The following THRB variants were observed in gnomAD, a reference collection of about 807,000 sequenced individuals.
THRB encodes thyroid hormone receptor beta, also known as nuclear receptor subfamily 1 group A member 2.
A neutral mutation model predicts 47.8 loss-of-function variants in THRB; 12 were observed. That is an observed-to-expected ratio of 0.25 (90% CI 0.16 to 0.41). The LOEUF is 0.41. THRB is among the 10% of genes least tolerant of loss of function. THRB has a pLI of 1.00. For synonymous variants in THRB, 218 were observed against 212.2 expected (o/e 1.03, Z -0.24); for missense variants, 348 against 589.2 (o/e 0.59, Z 4.24).
At chr3:24,361,432 T>C (rs772433604) in intron 1 of THRB, among the ~76,000 whole-genome samples, 9 of 152,150 alleles carry the variant, frequency 5.9e-5, no homozygotes, top group Non-Finnish European at 1.0e-4. Context: ...CCTCATTTTG[T>C]TCTATGCAAT....
At position 24,118,483 on chromosome 3, in the gene THRB, C is replaced by G. The variant is rs1391585401; in HGVS notation, c.*4401G>C. 1.3e-5 allele frequency: 2 copies of G among 152,444 alleles called. No homozygotes were observed. Among genetic ancestry groups the G allele is most frequent in the African/African-American group, 4.8e-5 (2 of 41,390 alleles). 9.4% of individuals were successfully genotyped at this position (152,444 alleles called of 1,614,324 possible). On this transcript the variant is annotated 3_prime_UTR_variant, in exon 11 of 11. Transcript: ENST00000646209. ...CAATGACTGTAAATCTTTTTCTATT[C>G]TGTAGTATTTTTCTGATTCTCAGGG... is the stretch of plus-strand genomic sequence containing the variant.
At chr3:24,161,975 C>T (rs1186808533) in intron 5 of THRB, among the ~76,000 whole-genome samples, 1 of 151,990 alleles carries the variant, frequency 6.6e-6, no homozygotes, top group Non-Finnish European at 1.5e-5. Flanking sequence ...CAAAGAATCC[C>T]GTGGAGGAGA....
intron 2 of THRB, among the ~76,000 whole-genome samples, chr3:24,333,120 C>T (rs1010747968): frequency 2.6e-5 from 4 of 151,804 alleles, no homozygotes; most frequent in Admixed American, 6.6e-5. Flanking sequence ...AACAAAGAAA[C>T]AAAAAAACCT....
intron 1 of THRB, among the ~76,000 whole-genome samples, chr3:24,354,701 TCAA>T (rs1304920735): frequency 6.6e-6 from 1 of 152,126 alleles, no homozygotes; most frequent in Non-Finnish European, 1.5e-5. Context: ...GATTACTGTG[TCAA>T]CTCATGAGTA....
intron 1 of THRB, among the ~76,000 whole-genome samples, chr3:24,467,875 A>T (rs978391716): frequency 7.5e-6 from 1 of 133,210 alleles, no homozygotes; most frequent in African/African-American, 2.8e-5. Flanking sequence ...CAAAAGGGCC[A>T]GTCTGTCCTT....
At chr3:24,433,228 G>A (rs545817270) in intron 1 of THRB, among the ~76,000 whole-genome samples, 39 of 152,042 alleles carry the variant, frequency 2.6e-4, no homozygotes, top group Non-Finnish European at 4.4e-4. Flanking sequence ...CTAATCCCTG[G>A]AACCTGTGAA....
intron 3 of THRB, among the ~76,000 whole-genome samples, chr3:24,261,562 C>T (rs1400106133): frequency 6.6e-6 from 1 of 151,572 alleles, no homozygotes; most frequent in Non-Finnish European, 1.5e-5. Context: ...TCAGCTTCCA[C>T]TCCATTTCCC....
intron 1 of THRB, among the ~76,000 whole-genome samples, chr3:24,408,407 C>T (rs770107535): frequency 6.6e-6 from 1 of 151,742 alleles, no homozygotes; most frequent in Non-Finnish European, 1.5e-5. Context: ...AATATTGTAC[C>T]ATTCTGCTGT....
In THRB at chr3:24,254,668, C is replaced by G. The variant is rs532937439; in HGVS notation, c.-42-25667G>C. On this transcript the variant is annotated intron_variant, in intron 3 of 10. Coordinates refer to ENST00000646209, the MANE Select transcript of THRB (RefSeq NM_001354712.2). ...CTGTTGATTGCTATCAGGGTTTTTC[C>G]TCTTCTTCTTCTGCTTCTAAAGGGC... Among the ~76,000 whole-genome samples the G allele has an allele frequency of 6.6e-4, 101 of 152,204 alleles. 1 individual carries two copies. Among genetic ancestry groups the G allele is most frequent in the Middle Eastern group, 3.4e-3 (1 of 294 alleles).
At chr3:24,276,433 C>T (rs1343133372) in intron 3 of THRB, among the ~76,000 whole-genome samples, 2 of 152,200 alleles carry the variant, frequency 1.3e-5, no homozygotes, top group Non-Finnish European at 2.9e-5. Context: ...TTCCAGGGTT[C>T]AAACCCAGGT....
chr3:24,370,475 G>C (rs1389394624), intron 1 of THRB, among the ~76,000 whole-genome samples: 1 of 152,086 alleles, frequency 6.6e-6, no homozygotes, highest in African/African-American at 2.4e-5. Context: ...TGTGTATGAG[G>C]TGTGCACATG....
At chr3:24,205,973 T>A (rs1407348819) in intron 4 of THRB, among the ~76,000 whole-genome samples, 1 of 152,146 alleles carries the variant, frequency 6.6e-6, no homozygotes, top group South Asian at 2.1e-4. Flanking sequence ...TATATGCACC[T>A]AATACAGGAG....
At chr3:24,477,540 C>T (rs1396060803) in intron 1 of THRB, among the ~76,000 whole-genome samples, 1 of 152,030 alleles carries the variant, frequency 6.6e-6, no homozygotes, top group Non-Finnish European at 1.5e-5. Context: ...GATGTGTATA[C>T]TGCTGGTCTG....
At chr3:24,310,375 G>T (rs1218017417) in intron 2 of THRB, among the ~76,000 whole-genome samples, 2 of 152,210 alleles carry the variant, frequency 1.3e-5, no homozygotes, top group Non-Finnish European at 2.9e-5. Context: ...GAAGAGAGAA[G>T]ACTTCCCTTT....
At position 24,118,687 on chromosome 3, in the gene THRB, T is replaced by C. The variant is rs1283577833; in HGVS notation, c.*4197A>G. ...AATTTCTGTATCAACAATACATATG[T>C]AAAGTGTCTCCTTTTGTCTTACATT... On this transcript the variant is annotated 3_prime_UTR_variant, in exon 11 of 11. Coordinates refer to ENST00000646209, the MANE Select transcript of THRB (RefSeq NM_001354712.2). 6.6e-6 allele frequency: 1 copy of C among 152,658 alleles called. No individual in the cohort carries two copies. The highest frequency in any genetic ancestry group is 1.5e-5 in the Non-Finnish European group (1 of 68,044). The allele number at this position is 152,658 out of a possible 1,614,324, so 9.5% of individuals were successfully genotyped here.
chr3:24,182,587 C>T (rs1394152357), intron 5 of THRB, among the ~76,000 whole-genome samples: 1 of 152,198 alleles, frequency 6.6e-6, no homozygotes. Flanking sequence ...ATGTGGTTCT[C>T]ATAGTCTTTC....
chr3:24,214,307 A>G (rs1296766078), intron 4 of THRB, among the ~76,000 whole-genome samples: 1 of 152,202 alleles, frequency 6.6e-6, no homozygotes, highest in African/African-American at 2.4e-5. Flanking sequence ...AAGACCCATC[A>G]TCCTCATTAT....
chr3:24,177,623 C>T (rs2041336158), intron 5 of THRB, among the ~76,000 whole-genome samples: 1 of 152,120 alleles, frequency 6.6e-6, no homozygotes, highest in African/African-American at 2.4e-5. Context: ...TCTGATGGGG[C>T]ATGGGGGCGC....
chr3:24,354,582 A>G (rs2063553107), intron 1 of THRB, among the ~76,000 whole-genome samples: 1 of 152,232 alleles, frequency 6.6e-6, no homozygotes, highest in African/African-American at 2.4e-5. Context: ...TTTGGAACTG[A>G]CACTTGGGCT....
Sources: allele counts gnomAD v4.1 joint callset (sites outside exome capture counted in the v4.1 genomes callset), GRCh38; gene constraint gnomAD v4.1.1; transcripts MANE v1.5; gene names NCBI Gene and HGNC (gene_info 2026-07-23, HGNC 2026-07-21).